Variants in GAA observed in about 807,000 individuals in gnomAD.
GAA encodes alpha glucosidase.
In GAA, 88 loss-of-function variants were observed where a neutral mutation model predicts 103.9. The ratio of observed to expected loss-of-function variants is 0.85; its 90% CI spans 0.71 to 1.01. The LOEUF is 1.01. Among genes scored for constraint, GAA ranks in the 50% least tolerant of loss-of-function variants. The pLI, the probability that GAA is intolerant of heterozygous loss-of-function variation, is 0.00. For synonymous variants in GAA, 572 were observed against 563.1 expected, an observed-to-expected ratio of 1.02 and a Z score of -0.22; for missense variants, 1,350 against 1,305.3, an observed-to-expected ratio of 1.03 and a Z score of -0.53.
intron 19 of GAA, 114 bp from the exon 20 acceptor site, chr17:80,119,158 G>T (rs758188570): frequency 2.8e-6 from 3 of 1,062,936 alleles, no homozygotes; most frequent in Non-Finnish European, 4.4e-6. Flanking sequence ...CCCCCTGAGC[G>T]CCGGGCCTCG....
Position 80,108,725 on chromosome 17 carries a change from T to A in GAA, c.1223T>A (p.Met408Lys). The stretch of plus-strand genomic sequence containing the variant: ...GTCCAGTGGAACGACCTGGACTACA[T>A]GGACTCCCGGAGGGACTTCACGTTC... ...LDVQWNDLDY[M>K]DSRRDFTFNK... Residue 408 changes from methionine (M) to lysine (K), a missense_variant, in exon 8 of 20, where the codon ATG becomes AAG. Coordinates refer to ENST00000302262, the MANE Select transcript of GAA (RefSeq NM_000152.5). The A allele has an allele frequency of 6.2e-7, 1 of 1,612,594 alleles. No homozygotes were observed. The highest frequency in any genetic ancestry group is 8.5e-7 in the Non-Finnish European group (1 of 1,179,868).
intron 3 of GAA, among the ~76,000 whole-genome samples, chr17:80,106,427 G>GAC (rs2039089274): frequency 1.3e-5 from 2 of 152,184 alleles, no homozygotes; most frequent in East Asian, 1.9e-4. Flanking sequence ...CAGCTGTGCA[G>GAC]ACGCAGGGGA....
In GAA at chr17:80,118,651, A is replaced by C; in HGVS notation, c.2647-2A>C. 6.2e-7 allele frequency: 1 copy of C among 1,612,126 alleles called. No individual in the cohort carries two copies. The highest frequency in any genetic ancestry group is 8.5e-7 in the Non-Finnish European group (1 of 1,179,984). ...CTTTTCATCTCTCTCTGCTCGGCCC[A>C]GAACACGATCGTGAATGAGCTGGTA... On this transcript the variant is annotated splice_acceptor_variant, in intron 18 of 19. Transcript: ENST00000302262. LOFTEE classifies it high-confidence loss of function.
In GAA at chr17:80,117,560, C is replaced by G. The variant is rs201904830; in HGVS notation, c.2332-40C>G. Reference sequence around the variant, plus strand: ...GTTCCTGAGGACAGCATGGGGGCCTCGGCACGGCCCAGAATCCTCAAAGCA... The same window carrying G: ...GTTCCTGAGGACAGCATGGGGGCCTGGGCACGGCCCAGAATCCTCAAAGCA... On this transcript the variant is annotated intron_variant, in intron 16 of 19. Coordinates refer to ENST00000302262, the MANE Select transcript of GAA (RefSeq NM_000152.5). The G allele has an allele frequency of 6.5e-3, 10,492 of 1,611,370 alleles. 58 individuals carry two copies. Among genetic ancestry groups the G allele is most frequent in the South Asian group, 8.3e-3 (755 of 91,048 alleles).
At position 80,112,599 on chromosome 17, in the gene GAA, G is replaced by A. The variant is rs1317655623; in HGVS notation, c.1776G>A (p.Gly592=). ...CCAGGGCGCTGGTGAAGGCTCGGGG[G>A]ACACGCCCATTTGTGATCTCCCGCT... ...ASHRALVKAR[G]TRPFVISRST... is the part of the protein sequence containing the mutation. Residue 592 remains glycine (G), a synonymous_variant, in exon 13 of 20, where the codon GGG becomes GGA. Coordinates refer to ENST00000302262, the MANE Select transcript of GAA (RefSeq NM_000152.5). 1 of 1,613,006 alleles carries A rather than the reference G, an allele frequency of 6.2e-7. No individual in the cohort carries two copies. Among genetic ancestry groups the A allele is most frequent in the Admixed American group, 1.7e-5 (1 of 60,024 alleles).
At chr17:80,105,262 G>A in intron 2 of GAA, 130 bp downstream of exon 2, 2 of 946,528 alleles carry the variant, frequency 2.1e-6, no homozygotes, top group South Asian at 1.7e-5. Flanking sequence ...GAGCGGAGGT[G>A]TGAGCAGACA....
intron 14 of GAA, 91 bp from the exon 15 acceptor site, chr17:80,113,127 G>A: frequency 1.3e-6 from 2 of 1,540,690 alleles, no homozygotes; most frequent in African/African-American, 1.4e-5. Flanking sequence ...CATGCTGGGT[G>A]GCTGAGAAGT....
chr17:80,104,581 C>G lies in GAA; in HGVS notation c.-6C>G. 1 of 1,608,798 alleles carries G rather than the reference C, an allele frequency of 6.2e-7. No homozygotes were observed. The highest frequency in any genetic ancestry group is 8.5e-7 in the Non-Finnish European group (1 of 1,177,990). On this transcript the variant is annotated 5_prime_UTR_variant, in exon 2 of 20. Coordinates refer to ENST00000302262, the MANE Select transcript of GAA (RefSeq NM_000152.5). The surrounding 1 kb of genome is among the most constrained non-coding windows in gnomAD (Gnocchi z 4.0). Reference sequence around the variant, plus strand: ...CCTGTAGGAGCTGTCCAGGCCATCTCCAACCATGGGAGTGAGGCACCCGCC... The same window carrying G: ...CCTGTAGGAGCTGTCCAGGCCATCTGCAACCATGGGAGTGAGGCACCCGCC...
Position 80,104,835 on chromosome 17 carries a change from C to T in GAA, c.249C>T (p.Asp83=), listed in dbSNP as rs377351519. The T allele has an allele frequency of 3.2e-5, 51 of 1,612,440 alleles. No individual in the cohort carries two copies. The highest frequency in any genetic ancestry group is 3.9e-5 in the Non-Finnish European group (46 of 1,179,870). The change falls in exon 2 of 20, where the codon GAC becomes GAT. Residue 83 remains aspartate (D), a synonymous_variant. Coordinates refer to ENST00000302262, the MANE Select transcript of GAA (RefSeq NM_000152.5). The surrounding 1 kb of genome is among the most constrained non-coding windows in gnomAD (Gnocchi z 4.0). ...GRPRAVPTQC[D]VPPNSRFDCA... ...CCAGAGCAGTGCCCACACAGTGCGACGTCCCCCCCAACAGCCGCTTCGATT... is the reference window on the plus strand; with the variant it reads ...CCAGAGCAGTGCCCACACAGTGCGATGTCCCCCCCAACAGCCGCTTCGATT...
At chr17:80,119,200 C>A in intron 19 of GAA, 72 bp from the exon 20 acceptor site, 1 of 1,449,002 alleles carries the variant, frequency 6.9e-7, no homozygotes, top group South Asian at 1.1e-5. Context: ...CAGATGGAGC[C>A]GCCTTCTGAG....
chr17:80,109,039 G>T (rs969788109), intron 8 of GAA, among the ~76,000 whole-genome samples: 2 of 152,208 alleles, frequency 1.3e-5, no homozygotes, highest in Non-Finnish European at 2.9e-5. Context: ...ATGGCCGGGT[G>T]CTACTCAGGG....
At chr17:80,105,154 G>A (rs745582543) in intron 2 of GAA, 22 bp downstream of exon 2, 2 of 1,592,484 alleles carry the variant, frequency 1.3e-6, no homozygotes, top group African/African-American at 2.7e-5. Context: ...AGGGGCGGGG[G>A]CGGCGGCCAG....
rs375154762 is a variant in GAA at position 80,104,743 on chromosome 17, C to A, written c.157C>A (p.His53Asn). The A allele has an allele frequency of 6.2e-7, 1 of 1,610,986 alleles. No individual in the cohort carries two copies. Among genetic ancestry groups the A allele is most frequent in the Non-Finnish European group, 8.5e-7 (1 of 1,179,228 alleles). Residue 53 changes from histidine to asparagine, a missense_variant, in exon 2 of 20, where the codon CAC becomes AAC. Physicochemically the swap from His to Asn is moderately conservative, Grantham distance 68. Coordinates refer to ENST00000302262, the MANE Select transcript of GAA (RefSeq NM_000152.5). This position sits in a 1 kb window ranked among gnomAD's most constrained non-coding sequence, Gnocchi z 4.0. Reference sequence around the variant, plus strand: ...CTCCTCCCCAGTCCTGGAGGAGACTCACCCAGCTCACCAGCAGGGAGCCAG... The same window carrying A: ...CTCCTCCCCAGTCCTGGAGGAGACTAACCCAGCTCACCAGCAGGGAGCCAG... ...SGSSPVLEET[H>N]PAHQQGASRP...
At position 80,112,857 on chromosome 17, in the gene GAA, C is replaced by A; in HGVS notation, c.1889-19C>A. The A allele has an allele frequency of 6.2e-7, 1 of 1,602,482 alleles. No individual in the cohort carries two copies. The highest frequency in any genetic ancestry group is 8.5e-7 in the Non-Finnish European group (1 of 1,174,510). On this transcript the variant is annotated intron_variant, in intron 13 of 19. Transcript: ENST00000302262. ...TCTGCTGCAGCAGCCTGAGGACCAG[C>A]CTGACTCTGCCCTCCCAGAAATCCT...
At position 80,108,776 on chromosome 17, in the gene GAA, C is replaced by T. The variant is rs765235868; in HGVS notation, c.1274C>T (p.Pro425Leu). The T allele has an allele frequency of 1.8e-5, 29 of 1,608,918 alleles. No homozygotes were observed. The highest frequency in any genetic ancestry group is 2.3e-5 in the Non-Finnish European group (27 of 1,178,230). Residue 425 changes from proline to leucine, a missense_variant, in exon 8 of 20, where the codon CCG (proline) becomes CTG (leucine). Pro to Leu is a moderately conservative substitution (Grantham distance 98). Coordinates refer to ENST00000302262, the MANE Select transcript of GAA (RefSeq NM_000152.5). ...AACAAGGATGGCTTCCGGGACTTCC[C>T]GGCCATGGTGCAGGAGCTGCACCAG... ...TFNKDGFRDFPAMVQELHQGG... is the reference protein window; with the variant it reads ...TFNKDGFRDFLAMVQELHQGG...
At chr17:80,105,169 G>C (rs1470380683) in intron 2 of GAA, 37 bp downstream of exon 2, 3 of 1,574,896 alleles carry the variant, frequency 1.9e-6, no homozygotes, top group Non-Finnish European at 2.6e-6. Context: ...GGCCAGGGCA[G>C]AGGGTGCGCG....
At chr17:80,113,391 G>T in intron 15 of GAA, 25 bp downstream of exon 15, 1 of 1,530,080 alleles carries the variant, frequency 6.5e-7, no homozygotes, top group Non-Finnish European at 8.8e-7. Context: ...CAGGGGCGGT[G>T]GCCCATGTGT....
chr17:80,118,687 G>C lies in GAA; in HGVS notation c.2681G>C (p.Ser894Thr). Residue 894 changes from serine to threonine, a missense_variant, in exon 19 of 20, where the codon AGT becomes ACT. Ser to Thr is a moderately conservative substitution (Grantham distance 58). Transcript: ENST00000302262. Reference sequence around the variant, plus strand: ...GTGAATGAGCTGGTACGTGTGACCAGTGAGGGAGCTGGCCTGCAGCTGCAG... The same window carrying C: ...GTGAATGAGCTGGTACGTGTGACCACTGAGGGAGCTGGCCTGCAGCTGCAG... ...TIVNELVRVT[S>T]EGAGLQLQKV... 6.2e-7 allele frequency: 1 copy of C among 1,613,014 alleles called. No individual in the cohort carries two copies. The highest frequency in any genetic ancestry group is 1.6e-4 in the Middle Eastern group (1 of 6,062).
intron 3 of GAA, among the ~76,000 whole-genome samples, 192 bp from the exon 4 acceptor site, chr17:80,107,365 A>G (rs1221158290): frequency 6.6e-6 from 1 of 152,116 alleles, no homozygotes; most frequent in Non-Finnish European, 1.5e-5. Flanking sequence ...CTGAGAGTTG[A>G]TCACGCTGGT....
Sources: allele counts gnomAD v4.1 joint callset (sites outside exome capture counted in the v4.1 genomes callset), GRCh38; gene constraint gnomAD v4.1.1; non-coding constraint Gnocchi (gnomAD v3.1); transcripts MANE v1.5; gene names NCBI Gene and HGNC (gene_info 2026-07-23, HGNC 2026-07-21).